The following PON2 variants were observed in gnomAD, a reference collection of about 807,000 sequenced individuals.
The protein encoded by PON2 is serum paraoxonase/arylesterase 2.
In PON2, 27 loss-of-function variants were observed where a neutral mutation model predicts 36.6. The observed-to-expected ratio is 0.74, with a 90% CI of 0.54 to 1.02. The LOEUF (loss-of-function observed/expected upper bound fraction) is 1.02, where lower values mean the gene tolerates loss of function less well. Ranked by LOEUF, PON2 falls within the 50% of genes least tolerant of loss-of-function variation. The probability of loss-of-function intolerance (pLI) is 0.00; values close to 1 mark genes in which losing one functional copy is unlikely to be tolerated. For missense variants in PON2, 363 were observed against 421.1 expected (o/e 0.86, Z 1.21); for synonymous variants, 149 against 156.3 (o/e 0.95, Z 0.35).
rs563946433 is a variant in PON2, at chr7:95,406,825, C to T, written c.777+162G>A. 4.6e-5 allele frequency among the ~76,000 whole-genome samples: 7 copies of T among 152,228 alleles called. No homozygotes were observed. In the East Asian group the frequency reaches 5.8e-4, roughly 13 times the overall value. Reference sequence around the variant, plus strand: ...TGTAATCATGGTCAGTTCTTGAGATCGCTGGAAACAGGAGCTTTCTCTAGT... The same window carrying T: ...TGTAATCATGGTCAGTTCTTGAGATTGCTGGAAACAGGAGCTTTCTCTAGT... On this transcript the variant is annotated intron_variant, in intron 7 of 8. Transcript: ENST00000222572.
At position 95,407,008 on chromosome 7, in the gene PON2, AT is replaced by A; in HGVS notation, c.755del (p.Asn252IlefsTer2). 1 of 1,570,966 alleles carries A rather than the reference AT, an allele frequency of 6.4e-7. No homozygotes were observed. The highest frequency in any genetic ancestry group is 8.8e-7 in the Non-Finnish European group (1 of 1,141,748). On this transcript the variant is annotated frameshift_variant, in exon 7 of 9. Transcript: ENST00000222572. LOFTEE classifies it high-confidence loss of function. ...HEIHVLEKHT[N>X]MNLTQLKVLE... ...TTACCTTCAACTGAGTTAAATTCATATTAGTGTGTTTTTCCAAAACATGAAT... is the reference window on the plus strand; with the variant it reads ...TTACCTTCAACTGAGTTAAATTCATATAGTGTGTTTTTCCAAAACATGAAT...
At chr7:95,419,295 A>C (rs1189906231) in intron 2 of PON2, among the ~76,000 whole-genome samples, 1 of 152,090 alleles carries the variant, frequency 6.6e-6, no homozygotes, top group Non-Finnish European at 1.5e-5. Flanking sequence ...AGCTTTTGGT[A>C]GCCAACACTC....
At chr7:95,416,681 T>C (rs1028518149) in intron 2 of PON2, among the ~76,000 whole-genome samples, 5 of 152,228 alleles carry the variant, frequency 3.3e-5, no homozygotes, top group Non-Finnish European at 5.9e-5. Flanking sequence ...CAAATATCCT[T>C]GTCCTCTTCT....
intron 1 of PON2, among the ~76,000 whole-genome samples, chr7:95,433,248 T>TTTTATTTATTTATTTA (rs17876062): frequency 2.6e-5 from 4 of 152,108 alleles, no homozygotes; most frequent in African/African-American, 9.6e-5. Context: ...AAATTTTGTT[T>TTTTATTTATTTATTTA]TTTATTTATT....
chr7:95,417,642 G>A (rs545224847), intron 2 of PON2, among the ~76,000 whole-genome samples: 62 of 146,794 alleles, frequency 4.2e-4, no homozygotes, highest in African/African-American at 1.3e-3. Context: ...TCAGGGGAAC[G>A]CTACACCACA....
chr7:95,412,365 C>T lies in PON2; in HGVS notation c.314G>A (p.Gly105Glu). ...TGGATTGAATGAGGCCAAATCAAAC[C>T]CACGACTGATTCTTAATTCCCGTGC... ...PRARELRISR[G>E]FDLASFNPHG... Residue 105 changes from glycine to glutamate, a missense_variant, in exon 4 of 9, where the codon GGG (glycine) becomes GAG (glutamate). Coordinates refer to ENST00000222572, the MANE Select transcript of PON2 (RefSeq NM_000305.3). 6.2e-7 allele frequency: 1 copy of T among 1,614,168 alleles called. No individual in the cohort carries two copies. Among genetic ancestry groups the T allele is most frequent in the Non-Finnish European group, 8.5e-7 (1 of 1,180,038 alleles).
chr7:95,409,772 ATATAT>A (rs895094266), intron 6 of PON2, 124 bp downstream of exon 6: 1 of 493,454 alleles, frequency 2.0e-6, no homozygotes, highest in Non-Finnish European at 3.6e-6. Flanking sequence ...TAGTGTATCT[ATATAT>A]TATATGTATA....
At chr7:95,412,626 GA>G in intron 3 of PON2, 149 bp from the exon 4 acceptor site, 1 of 748,874 alleles carries the variant, frequency 1.3e-6, no homozygotes. Flanking sequence ...AAAGATAACA[GA>G]AAAAATAATA....
Position 95,406,247 on chromosome 7 carries a change from C to T in PON2, c.778G>A (p.Val260Ile). 10 of 1,610,104 alleles carry T rather than the reference C, an allele frequency of 6.2e-6. No homozygotes were observed. Among genetic ancestry groups the T allele is most frequent in the Non-Finnish European group, 8.5e-6 (10 of 1,176,494 alleles). The change falls in exon 8 of 9, where the codon GTA (valine) becomes ATA (isoleucine). Residue 260 changes from valine to isoleucine, a missense_variant and splice_region_variant. Val to Ile is a conservative substitution (Grantham distance 29). Transcript: ENST00000222572. Reference protein sequence around the residue: ...HTNMNLTQLKVLELDTLVDNL... With the variant: ...HTNMNLTQLKILELDTLVDNL... ...TCCACCAGTGTATCCAGCTCAAGTA[C>T]CTTCCAAATGAGAAATTGTCAAAAT...
chr7:95,424,223 G>T, intron 2 of PON2: 1 of 425,216 alleles, frequency 2.4e-6, no homozygotes, highest in East Asian at 4.9e-5. Context: ...GGCCATACCT[G>T]ACAAACAATA....
chr7:95,430,401 A>G (rs1252871925), intron 1 of PON2, among the ~76,000 whole-genome samples: 1 of 151,946 alleles, frequency 6.6e-6, no homozygotes, highest in African/African-American at 2.4e-5. Context: ...CCCGGGTTCA[A>G]GTGATTCTCC....
At position 95,412,548 on chromosome 7, in the gene PON2, C is replaced by T. The variant is rs975041823; in HGVS notation, c.202-71G>A. On this transcript the variant is annotated intron_variant, in intron 3 of 8. Coordinates refer to ENST00000222572, the MANE Select transcript of PON2 (RefSeq NM_000305.3). ...TTTATGGACTAACATGGGAACTGTACATGAAGGATAAATAGAGATTGTGGT... is the reference window on the plus strand; with the variant it reads ...TTTATGGACTAACATGGGAACTGTATATGAAGGATAAATAGAGATTGTGGT... 100 of 1,473,164 alleles carry T rather than the reference C, an allele frequency of 6.8e-5. 1 individual carries two copies. The highest frequency in any genetic ancestry group is 8.8e-5 in the Non-Finnish European group (93 of 1,058,132). The allele number at this position is 1,473,164 out of a possible 1,614,324, so 91.3% of individuals were successfully genotyped here. A position where few individuals can be genotyped will look rare whatever the true frequency, so the allele number is the denominator to read the frequency against.
intron 2 of PON2, among the ~76,000 whole-genome samples, chr7:95,420,942 A>G (rs1311247518): frequency 6.6e-6 from 1 of 152,194 alleles, no homozygotes; most frequent in African/African-American, 2.4e-5. Flanking sequence ...ATAGCATTCG[A>G]CAAACGTTCA....
At chr7:95,422,486 G>T (rs1789215987) in intron 2 of PON2, among the ~76,000 whole-genome samples, 1 of 152,168 alleles carries the variant, frequency 6.6e-6, no homozygotes, top group South Asian at 2.1e-4. Context: ...ATACTGTGCA[G>T]TTGTGAAGAA....
At chr7:95,415,833 T>A (rs1446231171) in intron 3 of PON2, 1 of 194,920 alleles carries the variant, frequency 5.1e-6, no homozygotes, top group Non-Finnish European at 1.1e-5. Context: ...GCGCCTGTAA[T>A]CCCAGCTACT....
chr7:95,414,137 G>A (rs1161493228), intron 3 of PON2, among the ~76,000 whole-genome samples: 1 of 152,014 alleles, frequency 6.6e-6, no homozygotes, highest in Non-Finnish European at 1.5e-5. Context: ...CACTCACATT[G>A]TTTACATTTT....
intron 1 of PON2, among the ~76,000 whole-genome samples, chr7:95,429,070 C>T (rs545799856): frequency 6.6e-6 from 1 of 151,702 alleles, no homozygotes; most frequent in East Asian, 1.9e-4. Flanking sequence ...TTCTAGGGTA[C>T]ATGTGCACAA....
chr7:95,417,680 T>C (rs1474668589), intron 2 of PON2, among the ~76,000 whole-genome samples: 2 of 106,958 alleles, frequency 1.9e-5, no homozygotes, highest in African/African-American at 3.5e-5. Flanking sequence ...CACATACACA[T>C]GTACACACAG....
chr7:95,426,283 T>G (rs1789315150), intron 1 of PON2, among the ~76,000 whole-genome samples: 1 of 152,004 alleles, frequency 6.6e-6, no homozygotes, highest in East Asian at 1.9e-4. Context: ...AAAAAAAAGT[T>G]TATGTAGCCT....
Sources: allele counts gnomAD v4.1 joint callset (sites outside exome capture counted in the v4.1 genomes callset), GRCh38; gene constraint gnomAD v4.1.1; transcripts MANE v1.5; gene names NCBI Gene and HGNC (gene_info 2026-07-23, HGNC 2026-07-21).